The following CNDP1 variants were observed in gnomAD, a reference collection of about 807,000 sequenced individuals.
CNDP1 encodes carnosine dipeptidase 1.
Under a neutral mutation model 58.1 loss-of-function variants are expected in CNDP1, and 44 were observed. The observed-to-expected ratio is 0.76, with a 90% confidence interval of 0.60 to 0.97. The LOEUF (loss-of-function observed/expected upper bound fraction) is 0.97, where lower values mean the gene tolerates loss of function less well. Ranked by LOEUF, CNDP1 falls within the 50% of genes least tolerant of loss-of-function variation. The probability of loss-of-function intolerance (pLI) is 0.00; values close to 1 mark genes in which losing one functional copy is unlikely to be tolerated. For missense variants in CNDP1, 616 were observed against 655.1 expected, an observed-to-expected ratio of 0.94 and a Z score of 0.65; for synonymous variants, 254 against 252.6, an observed-to-expected ratio of 1.01 and a Z score of -0.05.
At chr18:74,548,223 G>A (rs1003769427) in intron 1 of CNDP1, among the ~76,000 whole-genome samples, 2 of 152,352 alleles carry the variant, frequency 1.3e-5, no homozygotes, top group Non-Finnish European at 2.9e-5. Flanking sequence ...ATGTTGAGAT[G>A]TGATCCCCAA....
At chr18:74,573,093 T>C (rs1981528354) in intron 7 of CNDP1, among the ~76,000 whole-genome samples, 1 of 152,180 alleles carries the variant, frequency 6.6e-6, no homozygotes, top group South Asian at 2.1e-4. Flanking sequence ...ATCCATCTAT[T>C]ATCTATCCAT....
chr18:74,539,806 G>A (rs1980573104), intron 1 of CNDP1, among the ~76,000 whole-genome samples: 2 of 152,186 alleles, frequency 1.3e-5, no homozygotes, highest in Non-Finnish European at 2.9e-5. Flanking sequence ...GAGTCCCCAT[G>A]TGCCTATCAG....
chr18:74,573,452 G>GTATCTATCTATGTATC (rs1981548847), intron 7 of CNDP1, among the ~76,000 whole-genome samples: 1 of 99,862 alleles, frequency 1.0e-5, no homozygotes, highest in South Asian at 3.2e-4. Flanking sequence ...ATGTATCTAT[G>GTATCTATCTATGTATC]TATCTATCTA....
At chr18:74,541,970 C>G (rs1384507838) in intron 1 of CNDP1, among the ~76,000 whole-genome samples, 1 of 152,228 alleles carries the variant, frequency 6.6e-6, no homozygotes, top group East Asian at 1.9e-4. Context: ...AGTGCTAAGA[C>G]AAGGCACGCA....
At chr18:74,580,503 A>T (rs1301319557) in intron 10 of CNDP1, among the ~76,000 whole-genome samples, 1 of 152,246 alleles carries the variant, frequency 6.6e-6, no homozygotes, top group Non-Finnish European at 1.5e-5. Context: ...GCTTACAGAC[A>T]TGAAGTATTT....
chr18:74,572,099 T>A (rs1474787300), intron 7 of CNDP1, among the ~76,000 whole-genome samples: 2 of 152,116 alleles, frequency 1.3e-5, no homozygotes, highest in Non-Finnish European at 2.9e-5. Context: ...ACCACTTGGC[T>A]TCATTTTTCA....
chr18:74,539,193 CT>C, intron 1 of CNDP1, among the ~76,000 whole-genome samples: 1 of 151,122 alleles, frequency 6.6e-6, no homozygotes, highest in Non-Finnish European at 1.5e-5. Context: ...AAAAAAAAGC[CT>C]TCCCTATCAG....
rs1440107979 is a variant in CNDP1 at position 74,576,861 on chromosome 18, T to G, written c.842-8T>G. 2 of 1,602,010 alleles carry G rather than the reference T, an allele frequency of 1.2e-6. No homozygotes were observed. The highest frequency in any genetic ancestry group is 3.4e-5 in the Admixed American group (2 of 58,500). On this transcript the variant is annotated splice_region_variant and splice_polypyrimidine_tract_variant and intron_variant, in intron 7 of 11. Coordinates refer to ENST00000358821, the MANE Select transcript of CNDP1 (RefSeq NM_032649.6). ...TACCTGGCTTTGTTTTCTGTGTGTG[T>G]TTTGTAGGTAGCCTGGTAGACTCGT... is the stretch of plus-strand genomic sequence containing the variant.
chr18:74,551,144 G>GC, intron 1 of CNDP1, among the ~76,000 whole-genome samples: 1 of 152,186 alleles, frequency 6.6e-6, no homozygotes, highest in South Asian at 2.1e-4. Flanking sequence ...CACATGACCT[G>GC]CCTGTTCCTG....
intron 6 of CNDP1, among the ~76,000 whole-genome samples, chr18:74,569,897 GAGA>G (rs1465788903): frequency 6.6e-6 from 1 of 152,008 alleles, no homozygotes; most frequent in Non-Finnish European, 1.5e-5. Context: ...ACCATCAAGA[GAGA>G]AGGAGCTGGG....
Position 74,560,869 on chromosome 18 carries a change from A to T in CNDP1, c.317A>T (p.Gln106Leu). The T allele has an allele frequency of 6.2e-7, 1 of 1,613,486 alleles. No individual in the cohort carries two copies. ...DMGPQQLPDG[Q>L]SLPIPPVILA... ...ATCATTCTGCAGCTGCCCGATGGTC[A>T]GAGTCTTCCAATACCTCCCGTCATC... The change falls in exon 4 of 12, where the codon CAG (glutamine) becomes CTG (leucine). Residue 106 changes from glutamine (Q) to leucine (L), a missense_variant. Gln to Leu is a moderately radical substitution (Grantham distance 113, BLOSUM62 -2). Transcript: ENST00000358821.
chr18:74,578,517 T>C (rs1295930433), intron 9 of CNDP1, among the ~76,000 whole-genome samples, 190 bp downstream of exon 9: 12 of 152,088 alleles, frequency 7.9e-5, no homozygotes, highest in Admixed American at 7.9e-4. Flanking sequence ...ATCCCGGCAC[T>C]TTGAGAGACC....
chr18:74,558,527 T>C lies in CNDP1; in HGVS notation c.154-796T>C, dbSNP rs533913066. Among the ~76,000 whole-genome samples the C allele has an allele frequency of 2.2e-4, 34 of 151,828 alleles. No homozygotes were observed. In the South Asian group the frequency reaches 6.9e-3, roughly 31 times the overall value. On this transcript the variant is annotated intron_variant, in intron 2 of 11. Coordinates refer to ENST00000358821, the MANE Select transcript of CNDP1 (RefSeq NM_032649.6). ...CTCCTGCCTCAGCCTCCCAAGTAGC[T>C]GGGACTACAGGCGCCCACCACCACA...
intron 7 of CNDP1, among the ~76,000 whole-genome samples, chr18:74,572,737 G>A (rs1050828027): frequency 3.7e-5 from 5 of 133,592 alleles, no homozygotes; most frequent in African/African-American, 1.4e-4. Context: ...GCAGTGAGCT[G>A]AGATAATCGT....
intron 1 of CNDP1, among the ~76,000 whole-genome samples, chr18:74,538,125 T>C (rs943319826): frequency 2.0e-5 from 3 of 152,176 alleles, no homozygotes; most frequent in Non-Finnish European, 4.4e-5. Context: ...ATCACCACCA[T>C]CAATTTTAGA....
intron 1 of CNDP1, 104 bp from the exon 2 acceptor site, chr18:74,556,234 G>C (rs1482636489): frequency 1.1e-5 from 14 of 1,267,262 alleles, no homozygotes; most frequent in Non-Finnish European, 1.3e-5. Context: ...ACTGACTGGA[G>C]GCAGCTGTGT....
At chr18:74,538,953 G>T (rs564556277) in intron 1 of CNDP1, among the ~76,000 whole-genome samples, 18 of 152,166 alleles carry the variant, frequency 1.2e-4, no homozygotes, top group African/African-American at 4.1e-4. Context: ...CTCTTCCAGG[G>T]TGTATCTCTT....
intron 2 of CNDP1, among the ~76,000 whole-genome samples, chr18:74,556,947 G>T (rs886704852): frequency 6.6e-6 from 1 of 152,142 alleles, no homozygotes; most frequent in Non-Finnish European, 1.5e-5. Context: ...ACAGAGTCTC[G>T]CTCTGTCACC....
At chr18:74,560,419 G>T (rs1338421025) in intron 3 of CNDP1, among the ~76,000 whole-genome samples, 1 of 152,216 alleles carries the variant, frequency 6.6e-6, no homozygotes, top group Admixed American at 6.5e-5. Flanking sequence ...TTAATTAAAA[G>T]TGTCTTGGCT....
Sources: allele counts gnomAD v4.1 joint callset (sites outside exome capture counted in the v4.1 genomes callset), GRCh38; gene constraint gnomAD v4.1.1; transcripts MANE v1.5; gene names NCBI Gene and HGNC (gene_info 2026-07-23, HGNC 2026-07-21).